Variants in HAVCR2 observed in about 807,000 individuals in gnomAD.
The protein encoded by HAVCR2 is hepatitis A virus cellular receptor 2, also known as T cell immunoglobulin mucin 3.
A neutral mutation model predicts 24.7 loss-of-function variants in HAVCR2; 13 were observed. That is an observed-to-expected ratio of 0.53 (90% CI 0.34 to 0.84). The LOEUF is 0.84. HAVCR2 is among the 40% of genes least tolerant of loss of function. The pLI is 0.01. For synonymous variants in HAVCR2, 154 were observed against 143.4 expected, an observed-to-expected ratio of 1.07 and a Z score of -0.53; for missense variants, 343 against 371.2, an observed-to-expected ratio of 0.92 and a Z score of 0.62.
chr5:157,095,587 T>A, intron 4 of HAVCR2, 128 bp from the exon 5 acceptor site: 1 of 976,582 alleles, frequency 1.0e-6, no homozygotes, highest in Non-Finnish European at 1.5e-6. Flanking sequence ...TCAAATCACC[T>A]TTGATCTGTC....
chr5:157,095,328 G>T lies in HAVCR2; in HGVS notation c.654C>A (p.Ile218=), dbSNP rs1368824291. 6 of 1,613,890 alleles carry T rather than the reference G, an allele frequency of 3.7e-6. No homozygotes were observed. The highest frequency in any genetic ancestry group is 4.2e-6 in the Non-Finnish European group (5 of 1,179,928). The change falls in exon 5 of 7, where the codon ATC becomes ATA. Residue 218 remains isoleucine (I), a synonymous_variant. Coordinates refer to ENST00000307851, the MANE Select transcript of HAVCR2 (RefSeq NM_032782.5). ...TACATTTGAAAATTAAAGCGCCGAA[G>T]ATAAGAGCCAGAGCCAGCCCAGCAC... The part of the protein sequence containing the change: ...GICAGLALAL[I]FGALIFKWYS...
intron 2 of HAVCR2, 133 bp downstream of exon 2, chr5:157,106,494 G>T: frequency 1.4e-6 from 1 of 697,748 alleles, no homozygotes; most frequent in Non-Finnish European, 2.4e-6. Flanking sequence ...AATGGGGCCT[G>T]TTAAACTTTA....
intron 2 of HAVCR2, chr5:157,106,387 C>A: frequency 2.0e-6 from 1 of 498,962 alleles, no homozygotes. Flanking sequence ...GCCTCAGCCT[C>A]CCAAAGTGCT....
At chr5:157,097,250 A>ATTTTTT (rs1221167508) in intron 4 of HAVCR2, among the ~76,000 whole-genome samples, 1 of 128,572 alleles carries the variant, frequency 7.8e-6, no homozygotes, top group Non-Finnish European at 1.6e-5. Flanking sequence ...CCCTCAAGTA[A>ATTTTTT]TTTTTTTTTT....
intron 5 of HAVCR2, among the ~76,000 whole-genome samples, chr5:157,089,964 C>A (rs1050973915): frequency 1.3e-5 from 2 of 152,016 alleles, no homozygotes; most frequent in African/African-American, 2.4e-5. Context: ...GTTTCTTTTA[C>A]CCGCTGAAAA....
At chr5:157,096,055 G>C (rs1044267225) in intron 4 of HAVCR2, among the ~76,000 whole-genome samples, 1 of 151,038 alleles carries the variant, frequency 6.6e-6, no homozygotes, top group Non-Finnish European at 1.5e-5. Context: ...GTGAAACCCC[G>C]TCTCTACTAA....
At position 157,086,966 on chromosome 5, in the gene HAVCR2, T is replaced by C. The variant is rs1756921927; in HGVS notation, c.*136A>G. On this transcript the variant is annotated 3_prime_UTR_variant, in exon 7 of 7. Transcript: ENST00000307851. ...AGTGCAGGTCCCAGTTCAATTCCCA[T>C]GTGAGTCATTATCTTCTGAAAATGG... is the stretch of plus-strand genomic sequence containing the variant. 2 of 710,850 alleles carry C rather than the reference T, an allele frequency of 2.8e-6. No individual in the cohort carries two copies. The highest frequency in any genetic ancestry group is 1.9e-5 in the South Asian group (1 of 52,938). 44.0% of individuals were successfully genotyped at this position (710,850 alleles called of 1,614,324 possible).
chr5:157,101,045 G>A (rs550735555), intron 3 of HAVCR2, among the ~76,000 whole-genome samples: 2 of 151,050 alleles, frequency 1.3e-5, no homozygotes, highest in East Asian at 1.9e-4. Context: ...GCAGTGAGCC[G>A]AGATCACACC....
intron 3 of HAVCR2, among the ~76,000 whole-genome samples, chr5:157,103,757 T>C (rs1010573217): frequency 6.6e-6 from 1 of 152,200 alleles, no homozygotes; most frequent in African/African-American, 2.4e-5. Context: ...ATTGTAGAGA[T>C]GAGCAAACTG....
chr5:157,089,919 T>G (rs140759188), intron 5 of HAVCR2, among the ~76,000 whole-genome samples: 1 of 152,200 alleles, frequency 6.6e-6, no homozygotes, highest in Non-Finnish European at 1.5e-5. Context: ...TTAGATTTCC[T>G]TGAAGGGCAG....
chr5:157,099,431 A>C (rs971979115), intron 3 of HAVCR2, among the ~76,000 whole-genome samples: 1 of 151,744 alleles, frequency 6.6e-6, no homozygotes, highest in Non-Finnish European at 1.5e-5. Context: ...TAATTTTTGT[A>C]TTTTTAGTAG....
intron 5 of HAVCR2, among the ~76,000 whole-genome samples, chr5:157,093,080 AAT>A (rs72414882): frequency 0.54 from 76,901 of 142,444 alleles, 21,763 homozygotes; most frequent in East Asian, 0.76. Context: ...AATAATAATA[AAT>A]ATATATATAT....
At chr5:157,098,759 G>A in intron 4 of HAVCR2, 99 bp downstream of exon 4, 1 of 1,105,384 alleles carries the variant, frequency 9.0e-7, no homozygotes, top group East Asian at 2.4e-5. Flanking sequence ...GGAACTTAAG[G>A]CTTTTTACCC....
In HAVCR2 at chr5:157,085,899, C is replaced by A. The variant is rs2113681637; in HGVS notation, c.*1203G>T. On this transcript the variant is annotated 3_prime_UTR_variant, in exon 7 of 7. Coordinates refer to ENST00000307851, the MANE Select transcript of HAVCR2 (RefSeq NM_032782.5). ...GAATTGTGCTAGGCGCAGGGGGCAA[C>A]AATAAGCAAGACAGATCAAGCCTAT... 6.6e-6 allele frequency: 1 copy of A among 152,248 alleles called. No individual in the cohort carries two copies. Among genetic ancestry groups the A allele is most frequent in the East Asian group, 1.9e-4 (1 of 5,186 alleles). 9.4% of individuals were successfully genotyped at this position (152,248 alleles called of 1,614,324 possible).
At chr5:157,103,627 A>G (rs1042409347) in intron 3 of HAVCR2, among the ~76,000 whole-genome samples, 2 of 152,222 alleles carry the variant, frequency 1.3e-5, no homozygotes, top group African/African-American at 4.8e-5. Context: ...ACCAGTAACT[A>G]TAGTAATAAT....
intron 6 of HAVCR2, among the ~76,000 whole-genome samples, chr5:157,087,665 G>A (rs1299052073): frequency 6.6e-6 from 1 of 151,982 alleles, no homozygotes; most frequent in East Asian, 1.9e-4. Context: ...CAGCACTTTG[G>A]GAGGCTGAGC....
At chr5:157,108,487 A>G (rs887171439) in intron 1 of HAVCR2, among the ~76,000 whole-genome samples, 2 of 152,034 alleles carry the variant, frequency 1.3e-5, no homozygotes, top group Non-Finnish European at 2.9e-5. Context: ...ACTCCATCTC[A>G]ATTGAAAAAA....
At chr5:157,108,700 A>G (rs79900513) in intron 1 of HAVCR2, among the ~76,000 whole-genome samples, 158 of 152,270 alleles carry the variant, frequency 1.0e-3, no homozygotes, top group African/African-American at 3.7e-3. Context: ...TTTTTCTTTA[A>G]TAACATTATA....
chr5:157,094,814 G>C (rs976975773), intron 5 of HAVCR2, among the ~76,000 whole-genome samples: 1 of 152,124 alleles, frequency 6.6e-6, no homozygotes, highest in African/African-American at 2.4e-5. Flanking sequence ...GTGTTAAAGG[G>C]ACTTGCAGTC....
Sources: gnomAD v4.1 joint callset for allele counts (sites outside exome capture counted in the v4.1 genomes callset) on GRCh38, gnomAD v4.1.1 for gene constraint, MANE v1.5 for transcripts, NCBI Gene and HGNC (gene_info 2026-07-23, HGNC 2026-07-21) for gene names.